Variants in MORN1 observed in about 807,000 individuals in gnomAD.
MORN1 encodes the protein MORN repeat-containing protein 1.
A neutral mutation model predicts 61.9 loss-of-function variants in MORN1; 67 were observed. The observed-to-expected ratio is 1.08, with a 90% CI of 0.89 to 1.33. The LOEUF (loss-of-function observed/expected upper bound fraction) is 1.33. Ranked by LOEUF, MORN1 falls within the 40% of genes most tolerant of loss-of-function variation. The pLI, the probability that MORN1 is intolerant of heterozygous loss-of-function variation, is 0.00. For missense variants in MORN1, 752 were observed against 691.2 expected (o/e 1.09, Z -0.99); for synonymous variants, 301 against 292.0 (o/e 1.03, Z -0.31).
intron 8 of MORN1, among the ~76,000 whole-genome samples, chr1:2,370,127 T>G (rs1480845939): frequency 6.6e-6 from 1 of 152,232 alleles, no homozygotes; most frequent in Admixed American, 6.5e-5. Context: ...GGCCCTGGCA[T>G]AGACTGAGGA....
intron 12 of MORN1, among the ~76,000 whole-genome samples, chr1:2,332,991 A>C (rs1641192314): frequency 2.0e-5 from 3 of 152,088 alleles, no homozygotes; most frequent in Admixed American, 1.3e-4. Flanking sequence ...CCTCTGGCCA[A>C]CCCCCACGGG....
intron 12 of MORN1, among the ~76,000 whole-genome samples, chr1:2,335,639 A>G (rs1477362366): frequency 6.6e-6 from 1 of 152,138 alleles, no homozygotes; most frequent in African/African-American, 2.4e-5. Context: ...TTTTGCTCCA[A>G]TCAGGAATCC....
chr1:2,323,544 G>A, intron 13 of MORN1: 1 of 984,840 alleles, frequency 1.0e-6, no homozygotes. Context: ...CTGGCTTGGT[G>A]GGGGGGTGCC....
At position 2,348,824 on chromosome 1, in the gene MORN1, C is replaced by T. The variant is rs1023952025; in HGVS notation, c.1036+8608G>A. Among the ~76,000 whole-genome samples the T allele has an allele frequency of 6.2e-4, 94 of 152,038 alleles. 1 individual carries two copies. Among genetic ancestry groups the T allele is most frequent in the African/African-American group, 8.0e-4 (33 of 41,464 alleles). On this transcript the variant is annotated intron_variant, in intron 10 of 13. Coordinates refer to ENST00000378531, the MANE Select transcript of MORN1 (RefSeq NM_024848.3). Reference sequence around the variant, plus strand: ...ACTCCTGCGCGGGCACGCACACACACGCACGCACACGCACACCTGCGCGGG... The same window carrying T: ...ACTCCTGCGCGGGCACGCACACACATGCACGCACACGCACACCTGCGCGGG...
At chr1:2,374,295 A>G (rs1218785524) in intron 7 of MORN1, among the ~76,000 whole-genome samples, 166 bp downstream of exon 7, 1 of 152,210 alleles carries the variant, frequency 6.6e-6, no homozygotes. Flanking sequence ...TTTTGACATC[A>G]GATTAGAACA....
At chr1:2,328,533 G>A (rs1037648126) in intron 12 of MORN1, among the ~76,000 whole-genome samples, 4 of 152,206 alleles carry the variant, frequency 2.6e-5, no homozygotes, top group Admixed American at 6.5e-5. Context: ...GGAGGTGGCC[G>A]GGTGCGGCTT....
chr1:2,345,037 A>G (rs1364161280), intron 10 of MORN1, among the ~76,000 whole-genome samples: 4 of 151,690 alleles, frequency 2.6e-5, no homozygotes, highest in Non-Finnish European at 4.4e-5. Context: ...GCACTCATAG[A>G]TGACCATATG....
intron 8 of MORN1, among the ~76,000 whole-genome samples, chr1:2,366,845 T>C (rs1419211716): frequency 6.6e-6 from 1 of 152,146 alleles, no homozygotes; most frequent in Non-Finnish European, 1.5e-5. Context: ...AAGGCAAATC[T>C]ATCATAGTCA....
In MORN1 at chr1:2,390,334, G is replaced by C. The variant is rs558389208; in HGVS notation, c.77-338C>G. The C allele has an allele frequency of 9.1e-5, 76 of 830,714 alleles. No homozygotes were observed. In the African/African-American group the frequency reaches 1.3e-3, roughly 14 times the overall value. 51.5% of individuals were successfully genotyped at this position (830,714 alleles called of 1,614,324 possible). ...GAGCAGGTTGGGAGCCTTGTTGCAG[G>C]AGATGAGTGAGCCAGGGGAAGGCAG... On this transcript the variant is annotated intron_variant, in intron 1 of 13. Coordinates refer to ENST00000378531, the MANE Select transcript of MORN1 (RefSeq NM_024848.3).
intron 6 of MORN1, among the ~76,000 whole-genome samples, chr1:2,379,584 T>C (rs1354949012): frequency 6.6e-6 from 1 of 151,906 alleles, no homozygotes; most frequent in Non-Finnish European, 1.5e-5. Context: ...TGGCCAGGAC[T>C]GGGGGAGACT....
intron 1 of MORN1, chr1:2,390,751 TC>T: frequency 1.0e-6 from 1 of 982,452 alleles, no homozygotes; most frequent in Middle Eastern, 5.2e-4. Flanking sequence ...CAAAACCTGC[TC>T]TTTTTTTTTT....
chr1:2,368,796 T>C (rs922740181), intron 8 of MORN1, among the ~76,000 whole-genome samples: 14 of 152,144 alleles, frequency 9.2e-5, no homozygotes, highest in African/African-American at 2.9e-4. Context: ...CGGTGGCTCA[T>C]GCTTGTAATC....
At chr1:2,355,591 CA>C (rs2100300180) in intron 10 of MORN1, 1 of 988,288 alleles carries the variant, frequency 1.0e-6, no homozygotes, top group East Asian at 2.7e-5. Flanking sequence ...CCAGGGCGGC[CA>C]GGGGCATTCC....
At chr1:2,379,064 G>A (rs1570033939) in intron 6 of MORN1, 1 of 471,110 alleles carries the variant, frequency 2.1e-6, no homozygotes, top group African/African-American at 2.0e-5. Flanking sequence ...TTGCATTAAG[G>A]AATACTGGCT....
At chr1:2,369,756 TTA>T (rs1228158582) in intron 8 of MORN1, among the ~76,000 whole-genome samples, 1 of 152,146 alleles carries the variant, frequency 6.6e-6, no homozygotes, top group African/African-American at 2.4e-5. Flanking sequence ...ATAAATAACA[TTA>T]TTATGTATTA....
chr1:2,324,501 A>C (rs1569901542), intron 12 of MORN1, among the ~76,000 whole-genome samples: 1 of 152,144 alleles, frequency 6.6e-6, no homozygotes, highest in East Asian at 1.9e-4. Context: ...GGCGGGAAAG[A>C]CCCTGAGCCC....
chr1:2,325,040 C>T (rs1464505240), intron 12 of MORN1, among the ~76,000 whole-genome samples: 5 of 151,084 alleles, frequency 3.3e-5, no homozygotes, highest in African/African-American at 9.8e-5. Flanking sequence ...TGTGGACACC[C>T]ACCCTCCTCC....
chr1:2,347,930 A>G (rs1641551042), intron 10 of MORN1, among the ~76,000 whole-genome samples: 1 of 152,208 alleles, frequency 6.6e-6, no homozygotes, highest in Non-Finnish European at 1.5e-5. Flanking sequence ...TCCTCACTCC[A>G]CATCCTCGAG....
At chr1:2,377,642 C>G (rs542824194) in intron 6 of MORN1, 3 of 152,382 alleles carry the variant, frequency 2.0e-5, no homozygotes, top group East Asian at 3.8e-4. Context: ...TTATTGGAAG[C>G]TATGCCCTCT....
Sources: allele counts gnomAD v4.1 joint callset (sites outside exome capture counted in the v4.1 genomes callset), GRCh38; gene constraint gnomAD v4.1.1; transcripts MANE v1.5; gene names NCBI Gene and HGNC (gene_info 2026-07-23, HGNC 2026-07-21).